Variants in ADRA1B observed in about 807,000 individuals in gnomAD.
ADRA1B encodes the protein alpha-1B adrenergic receptor.
ADRA1B carries 17 observed loss-of-function variants against 17.9 expected under a neutral mutation model. The observed-to-expected ratio is 0.95, with a 90% CI of 0.65 to 1.42. ADRA1B has a LOEUF of 1.42. Among genes scored for constraint, ADRA1B ranks in the 40% most tolerant of loss-of-function variants. The probability of loss-of-function intolerance (pLI) is 0.00; values close to 1 mark genes in which losing one functional copy is unlikely to be tolerated. For synonymous variants in ADRA1B, 366 were observed against 327.6 expected, an observed-to-expected ratio of 1.12 and a Z score of -1.27; for missense variants, 681 against 722.1, an observed-to-expected ratio of 0.94 and a Z score of 0.65.
chr5:159,904,761 T>C (rs1487028396), intron 1 of ADRA1B, among the ~76,000 whole-genome samples: 1 of 152,256 alleles, frequency 6.6e-6, no homozygotes, highest in Non-Finnish European at 1.5e-5. Flanking sequence ...CACACCATTA[T>C]TGAATGTGAG....
At chr5:159,957,426 G>C (rs1369236290) in intron 1 of ADRA1B, among the ~76,000 whole-genome samples, 1 of 150,782 alleles carries the variant, frequency 6.6e-6, no homozygotes, top group Non-Finnish European at 1.5e-5. Context: ...GATCACTTGA[G>C]CCCAGGAGGT....
upstream of ADRA1B, chr5:159,916,171 C>T (rs1301669317): frequency 6.6e-6 from 1 of 152,290 alleles, no homozygotes; most frequent in African/African-American, 2.4e-5. Flanking sequence ...CCGGGAGCCC[C>T]CTATTAAAGG....
downstream of ADRA1B, among the ~76,000 whole-genome samples, chr5:159,975,100 G>A (rs1281438155): frequency 3.9e-5 from 6 of 152,202 alleles, no homozygotes; most frequent in African/African-American, 1.2e-4. Flanking sequence ...CATTCCCGGA[G>A]AACAAGGGAT....
Position 159,917,126 on chromosome 5 carries a change from G to C in ADRA1B, c.221G>C (p.Arg74Pro), listed in dbSNP as rs370347487. The C allele has an allele frequency of 8.7e-6, 14 of 1,614,028 alleles. No individual in the cohort carries two copies. Among genetic ancestry groups the C allele is most frequent in the Non-Finnish European group, 1.1e-5 (13 of 1,179,992 alleles). The change falls in exon 1 of 2, where the codon CGG becomes CCG. Residue 74 changes from arginine (R) to proline (P), a missense_variant. By Grantham distance (103) the Arg-to-Pro change is moderately radical (BLOSUM62 -2). Around this residue, in one of 3 missense-constraint regions of ADRA1B, gnomAD observed 424 missense variants for 480.2 expected, o/e 0.88. Transcript: ENST00000306675. The stretch of plus-strand genomic sequence containing the variant: ...GTCATCTTGTCTGTGGCCTGCAACC[G>C]GCACCTGCGGACGCCCACCAACTAC... ...ILVILSVACN[R>P]HLRTPTNYFI...
intron 1 of ADRA1B, among the ~76,000 whole-genome samples, chr5:159,877,527 A>T (rs79961676): frequency 6.6e-6 from 1 of 152,002 alleles, no homozygotes; most frequent in Non-Finnish European, 1.5e-5. Context: ...AAACACTTTC[A>T]TATCTCATAT....
At chr5:159,941,621 A>C (rs1755129451) in intron 1 of ADRA1B, among the ~76,000 whole-genome samples, 1 of 152,240 alleles carries the variant, frequency 6.6e-6, no homozygotes, top group Non-Finnish European at 1.5e-5. Context: ...AGAAGGAAAT[A>C]ACTCAAATGT....
intron 1 of ADRA1B, among the ~76,000 whole-genome samples, chr5:159,874,664 CA>C (rs1021411420): frequency 6.6e-6 from 1 of 152,176 alleles, no homozygotes; most frequent in Non-Finnish European, 1.5e-5. Context: ...TGGAGGCAAA[CA>C]TGAAGATTTC....
At chr5:159,880,483 G>A (rs928108497) in intron 1 of ADRA1B, among the ~76,000 whole-genome samples, 1 of 152,208 alleles carries the variant, frequency 6.6e-6, no homozygotes, top group African/African-American at 2.4e-5. Flanking sequence ...GATGAAATGT[G>A]AATTCAAGGG....
chr5:159,981,578 C>T, the ADRA1B span, among the ~76,000 whole-genome samples: 1 of 152,142 alleles, frequency 6.6e-6, no homozygotes, highest in South Asian at 2.1e-4. Flanking sequence ...TCACTGCAGG[C>T]TCCGCCTTCC....
In ADRA1B at chr5:159,917,688, C is replaced by T. The variant is rs746852984; in HGVS notation, c.783C>T (p.His261=). ...TGAGGATCCATTCCAAGAACTTTCACGAGGACACCCTTAGCAGTACCAAGG... is the reference window on the plus strand; with the variant it reads ...TGAGGATCCATTCCAAGAACTTTCATGAGGACACCCTTAGCAGTACCAAGG... ...LTLRIHSKNF[H]EDTLSSTKAK... The change falls in exon 1 of 2, where the codon CAC becomes CAT. Residue 261 remains histidine, a synonymous_variant. Transcript: ENST00000306675. The T allele has an allele frequency of 5.2e-5, 84 of 1,613,888 alleles. No individual in the cohort carries two copies. The highest frequency in any genetic ancestry group is 6.4e-5 in the Non-Finnish European group (75 of 1,180,020).
chr5:159,881,300 TCTCTCTC>T (rs1561581404), intron 1 of ADRA1B, among the ~76,000 whole-genome samples: 1 of 6,962 alleles, frequency 1.4e-4, no homozygotes, highest in African/African-American at 6.5e-4. Flanking sequence ...ATCAGAAAGT[TCTCTCTC>T]TCTCTCTCTC....
At chr5:159,975,014 A>G (rs1283808975), downstream of ADRA1B, among the ~76,000 whole-genome samples, 2 of 152,198 alleles carry the variant, frequency 1.3e-5, no homozygotes, top group Non-Finnish European at 2.9e-5. Flanking sequence ...AGTTAAGTAC[A>G]TCCTCCAACA....
intron 1 of ADRA1B, among the ~76,000 whole-genome samples, chr5:159,886,118 G>T (rs1226074348): frequency 6.6e-6 from 1 of 152,210 alleles, no homozygotes; most frequent in South Asian, 2.1e-4. Context: ...ACATCCAGTT[G>T]TCTTTCAATG....
chr5:159,870,656 GAGA>G (rs1442536246), intron 1 of ADRA1B: 1 of 152,208 alleles, frequency 6.6e-6, no homozygotes, highest in African/African-American at 2.4e-5. Flanking sequence ...GGTGTGAAGG[GAGA>G]AGTTGTTGGA....
At chr5:159,941,033 A>G (rs1307583715) in intron 1 of ADRA1B, among the ~76,000 whole-genome samples, 1 of 152,210 alleles carries the variant, frequency 6.6e-6, no homozygotes, top group African/African-American at 2.4e-5. Flanking sequence ...TGCAAGGTGC[A>G]TCCTAGAAGG....
intron 1 of ADRA1B, among the ~76,000 whole-genome samples, chr5:159,945,460 C>G (rs1485813813): frequency 6.6e-6 from 1 of 152,188 alleles, no homozygotes; most frequent in Non-Finnish European, 1.5e-5. Context: ...CTGCAGGAAT[C>G]TGGGGGAAAG....
In ADRA1B at chr5:159,966,333, A is replaced by G. The variant is rs74360874; in HGVS notation, c.950-5546A>G. 3.9e-3 allele frequency among the ~76,000 whole-genome samples: 599 copies of G among 152,334 alleles called. 3 individuals are homozygous for G. Among genetic ancestry groups the G allele is most frequent in the African/African-American group, 0.014 (577 of 41,572 alleles). On this transcript the variant is annotated intron_variant, in intron 1 of 1. Transcript: ENST00000306675. ...TCCAGAGTGCTCATAAGGACTCTAC[A>G]TGTTTTTACCTTGCTTAATCCTCAC...
intron 1 of ADRA1B, among the ~76,000 whole-genome samples, chr5:159,883,312 A>AT (rs923629640): frequency 2.6e-5 from 4 of 152,096 alleles, no homozygotes; most frequent in Non-Finnish European, 4.4e-5. Flanking sequence ...CACACATGTA[A>AT]TTTTTTTACC....
intron 1 of ADRA1B, among the ~76,000 whole-genome samples, chr5:159,965,294 C>G (rs1005112733): frequency 6.6e-6 from 1 of 152,150 alleles, no homozygotes; most frequent in Non-Finnish European, 1.5e-5. Context: ...CAAGGAGCAT[C>G]AGGAACATTC....
Sources: gnomAD v4.1 joint callset for allele counts (sites outside exome capture counted in the v4.1 genomes callset) on GRCh38, gnomAD v4.1.1 for gene constraint, gnomAD v4.1.1 regional missense constraint, MANE v1.5 for transcripts, NCBI Gene and HGNC (gene_info 2026-07-23, HGNC 2026-07-21) for gene names.